The following GMDS variants were observed in gnomAD, a reference collection of about 807,000 sequenced individuals.
GMDS encodes the protein GDP-mannose 4,6-dehydratase.
In GMDS, 20 loss-of-function variants were observed where a neutral mutation model predicts 49.9. The ratio of observed to expected loss-of-function variants is 0.40; its 90% CI spans 0.28 to 0.58. GMDS has a LOEUF of 0.58. Ranked by LOEUF, GMDS falls within the 20% of genes least tolerant of loss-of-function variation. The pLI is 0.42. For missense variants in GMDS, 362 were observed against 481.4 expected (o/e 0.75, Z 2.32); for synonymous variants, 177 against 178.6 (o/e 0.99, Z 0.07).
At chr6:1,816,639 T>C (rs966706345) in intron 7 of GMDS, among the ~76,000 whole-genome samples, 1 of 152,222 alleles carries the variant, frequency 6.6e-6, no homozygotes, top group Non-Finnish European at 1.5e-5. Flanking sequence ...ATATTCTCAT[T>C]GTCATTAATC....
chr6:1,889,679 T>C (rs1195299316), intron 7 of GMDS, among the ~76,000 whole-genome samples: 3 of 152,234 alleles, frequency 2.0e-5, no homozygotes, highest in African/African-American at 7.2e-5. Context: ...GATTTTAGTA[T>C]ACTCAGGGAG....
chr6:1,958,227 T>G (rs1763749727), intron 6 of GMDS, among the ~76,000 whole-genome samples: 1 of 152,092 alleles, frequency 6.6e-6, no homozygotes, highest in Admixed American at 6.6e-5. Context: ...CAAATTTATC[T>G]TTTTTTACTT....
At chr6:1,666,876 A>C (rs1055452548) in intron 9 of GMDS, among the ~76,000 whole-genome samples, 1 of 152,186 alleles carries the variant, frequency 6.6e-6, no homozygotes, top group Non-Finnish European at 1.5e-5. Context: ...CTGGCTTTCT[A>C]TCCACCTTCT....
At chr6:2,062,285 C>T (rs1400641863) in intron 4 of GMDS, among the ~76,000 whole-genome samples, 1 of 152,148 alleles carries the variant, frequency 6.6e-6, no homozygotes, top group Non-Finnish European at 1.5e-5. Flanking sequence ...GGGGCATTGT[C>T]TCCCTTCAAT....
At chr6:1,935,345 T>A (rs1265160946) in intron 6 of GMDS, among the ~76,000 whole-genome samples, 5 of 152,216 alleles carry the variant, frequency 3.3e-5, no homozygotes, top group Admixed American at 6.5e-5. Flanking sequence ...ATGTCCTTGT[T>A]TGTAAAATAA....
chr6:1,680,535 A>T (rs1764754756), intron 9 of GMDS, among the ~76,000 whole-genome samples: 1 of 151,922 alleles, frequency 6.6e-6, no homozygotes, highest in South Asian at 2.1e-4. Context: ...CCGTGACCTG[A>T]CTTCTCACAC....
At chr6:2,185,755 TC>T (rs1309482884) in intron 1 of GMDS, among the ~76,000 whole-genome samples, 5 of 152,146 alleles carry the variant, frequency 3.3e-5, no homozygotes, top group Non-Finnish European at 7.3e-5. Flanking sequence ...TAACCCAATT[TC>T]CTGAAGCCTC....
At chr6:1,929,333 A>G (rs1762175923) in intron 7 of GMDS, among the ~76,000 whole-genome samples, 1 of 152,242 alleles carries the variant, frequency 6.6e-6, no homozygotes. Flanking sequence ...GGAAAGGACA[A>G]TGTCTCTACC....
At chr6:1,913,405 A>G (rs1761184168) in intron 7 of GMDS, among the ~76,000 whole-genome samples, 1 of 150,478 alleles carries the variant, frequency 6.6e-6, no homozygotes, top group African/African-American at 2.4e-5. Context: ...AAAAAAAAAA[A>G]AAAAGAAAGT....
chr6:1,905,667 C>A (rs538256779), intron 7 of GMDS, among the ~76,000 whole-genome samples: 3 of 93,514 alleles, frequency 3.2e-5, no homozygotes, highest in Non-Finnish European at 6.6e-5. Context: ...TGGGTGCTGG[C>A]GTGTAGGTGG....
intron 7 of GMDS, among the ~76,000 whole-genome samples, chr6:1,776,082 TCA>T (rs1768821706): frequency 6.6e-6 from 1 of 152,130 alleles, no homozygotes; most frequent in Non-Finnish European, 1.5e-5. Context: ...CCAGCTGGAC[TCA>T]GAGACTCAGT....
intron 7 of GMDS, among the ~76,000 whole-genome samples, chr6:1,917,352 A>C (rs1761457846): frequency 6.6e-6 from 1 of 152,236 alleles, no homozygotes; most frequent in African/African-American, 2.4e-5. Flanking sequence ...TGATACCAAG[A>C]GAAGACATCA....
intron 1 of GMDS, among the ~76,000 whole-genome samples, chr6:2,170,264 G>C (rs1777917788): frequency 6.6e-6 from 1 of 151,710 alleles, no homozygotes. Flanking sequence ...GCAATTTTAA[G>C]AGAATGTTAT....
At chr6:1,880,185 C>T (rs1318286838) in intron 7 of GMDS, among the ~76,000 whole-genome samples, 1 of 149,680 alleles carries the variant, frequency 6.7e-6, no homozygotes, top group Non-Finnish European at 1.5e-5. Flanking sequence ...CAGTGGCTCA[C>T]ACCTGTAATC....
At chr6:1,647,540 C>T (rs1041150864) in intron 9 of GMDS, among the ~76,000 whole-genome samples, 2 of 152,174 alleles carry the variant, frequency 1.3e-5, no homozygotes, top group African/African-American at 4.8e-5. Flanking sequence ...TGAGTACTCA[C>T]TACAGGCAAA....
At chr6:1,991,286 G>T (rs553297856) in intron 4 of GMDS, among the ~76,000 whole-genome samples, 1 of 152,030 alleles carries the variant, frequency 6.6e-6, no homozygotes, top group Admixed American at 6.6e-5. Context: ...CCACAGCTCC[G>T]GCATTTTCAA....
intron 8 of GMDS, among the ~76,000 whole-genome samples, chr6:1,729,334 A>T (rs537800389): frequency 1.3e-5 from 2 of 152,334 alleles, no homozygotes; most frequent in East Asian, 3.9e-4. Context: ...CCCCTGCACG[A>T]CTTTCTTGCC....
chr6:1,893,131 C>T (rs1338218028), intron 7 of GMDS, among the ~76,000 whole-genome samples: 1 of 151,882 alleles, frequency 6.6e-6, no homozygotes. Context: ...GGGGGCCCAG[C>T]TGGGAAGAAG....
In GMDS at chr6:1,931,404, C is replaced by A. The variant is rs145615456; in HGVS notation, c.644-1174G>T. 4.0e-3 allele frequency among the ~76,000 whole-genome samples: 610 copies of A among 152,336 alleles called. 7 individuals are homozygous for A. Among genetic ancestry groups the A allele is most frequent in the African/African-American group, 0.014 (577 of 41,568 alleles). On this transcript the variant is annotated intron_variant, in intron 6 of 10. Transcript: ENST00000380815. ...ACTTACTCCACAAACTTGATACGTACATTTATACCTACACCATTATCATTA... is the reference window on the plus strand; with the variant it reads ...ACTTACTCCACAAACTTGATACGTAAATTTATACCTACACCATTATCATTA...
Sources: gnomAD v4.1 joint callset for allele counts (sites outside exome capture counted in the v4.1 genomes callset) on GRCh38, gnomAD v4.1.1 for gene constraint, MANE v1.5 for transcripts, NCBI Gene and HGNC (gene_info 2026-07-23, HGNC 2026-07-21) for gene names.